PRMT8: variants seen among roughly 807,000 people sequenced by gnomAD.
PRMT8 encodes the protein protein arginine methyltransferase 8, also known as protein arginine N-methyltransferase 8.
Under a neutral mutation model 47.1 loss-of-function variants are expected in PRMT8, and 7 were observed. That is an observed-to-expected ratio of 0.15 (90% CI 0.08 to 0.28). PRMT8 has a LOEUF of 0.28. PRMT8 is among the 10% of genes least tolerant of loss of function. The pLI is 1.00. For synonymous variants in PRMT8, 188 were observed against 186.5 expected, an observed-to-expected ratio of 1.01 and a Z score of -0.07; for missense variants, 237 against 505.4, an observed-to-expected ratio of 0.47 and a Z score of 5.09.
chr12:3,521,570 G>A (rs1407303108), intron 1 of PRMT8, among the ~76,000 whole-genome samples: 6 of 151,892 alleles, frequency 4.0e-5, no homozygotes, highest in African/African-American at 9.7e-5. Flanking sequence ...GCGAAACTCC[G>A]TCTCAAAAAA....
In PRMT8 at chr12:3,553,808, A is replaced by C. The variant is rs11062719; in HGVS notation, c.481+94A>C. ...TGGCATAGCGGGAGGAGCGCAGAGC[A>C]CTTGGACTTGGGGAGGTGGTGCACC... On this transcript the variant is annotated intron_variant, in intron 4 of 9. Transcript: ENST00000382622. 2.7e-3 allele frequency: 3,201 copies of C among 1,200,684 alleles called. 68 individuals carry two copies. In the East Asian group the frequency reaches 0.051, roughly 19 times the overall value. The allele number at this position is 1,200,684 out of a possible 1,614,324, so 74.4% of individuals were successfully genotyped here.
rs531683101 is a variant in PRMT8, at chr12:3,491,832, CTGTGTGTGTGTGTGTGTGTGTGTGTG to C, written c.75+164_75+189del. ...CCCGCTCGCTTCTGCCGGCCTCCTC[CTGTGTGTGTGTGTGTGTGTGTGTGTG>C]TGTGTGTGTGTGTGTGTGTGTGTGT... On this transcript the variant is annotated intron_variant, in intron 1 of 9. Coordinates refer to ENST00000382622, the MANE Select transcript of PRMT8 (RefSeq NM_019854.5). The C allele has an allele frequency of 1.9e-5, 10 of 536,352 alleles. No homozygotes were observed. The African/African-American group carries it at 2.1e-4, about 11-fold the overall frequency. The allele number at this position is 536,352 out of a possible 1,614,324, so 33.2% of individuals were successfully genotyped here.
chr12:3,413,097 G>T (rs1864448555), intron 1 of PRMT8, among the ~76,000 whole-genome samples: 1 of 152,146 alleles, frequency 6.6e-6, no homozygotes, highest in African/African-American at 2.4e-5. Flanking sequence ...ATATACGCTT[G>T]CTTCTGGCTG....
At chr12:3,460,430 A>G (rs1865028189) in intron 1 of PRMT8, among the ~76,000 whole-genome samples, 1 of 152,228 alleles carries the variant, frequency 6.6e-6, no homozygotes, top group South Asian at 2.1e-4. Context: ...GGCAGACTGC[A>G]GTGGTTACTT....
At chr12:3,528,742 T>C (rs1044005565) in intron 1 of PRMT8, among the ~76,000 whole-genome samples, 2 of 152,222 alleles carry the variant, frequency 1.3e-5, no homozygotes, top group African/African-American at 4.8e-5. Flanking sequence ...AAATTTTACC[T>C]CATTGGGTGA....
At chr12:3,415,221 G>A (rs759642330) in intron 1 of PRMT8, among the ~76,000 whole-genome samples, 15 of 152,158 alleles carry the variant, frequency 9.9e-5, no homozygotes, top group Non-Finnish European at 1.9e-4. Flanking sequence ...CATGGGGCGA[G>A]GCATGGGGAA....
intron 1 of PRMT8, among the ~76,000 whole-genome samples, chr12:3,469,694 T>G (rs1260374386): frequency 6.6e-6 from 1 of 152,102 alleles, no homozygotes; most frequent in African/African-American, 2.4e-5. Context: ...CTTAAAAGGG[T>G]GATTTTTATG....
intron 1 of PRMT8, among the ~76,000 whole-genome samples, chr12:3,412,821 G>A (rs1049393571): frequency 7.2e-5 from 11 of 152,158 alleles, no homozygotes; most frequent in Admixed American, 3.9e-4. Flanking sequence ...TACCATATTG[G>A]CCAGGCTGGT....
At chr12:3,483,252 C>T (rs1490793684) in intron 1 of PRMT8, among the ~76,000 whole-genome samples, 2 of 152,176 alleles carry the variant, frequency 1.3e-5, no homozygotes, top group African/African-American at 4.8e-5. Flanking sequence ...CTCCCGTCTG[C>T]GAGGCCCTAG....
Position 3,538,455 on chromosome 12 carries a change from G to C in PRMT8, c.76-2151G>C, listed in dbSNP as rs1203357709. ...CACCCCATGTCGCTGAATGTTCAGGGATCACAGGCCACTGCCGTTTCCCAC... is the reference window on the plus strand; with the variant it reads ...CACCCCATGTCGCTGAATGTTCAGGCATCACAGGCCACTGCCGTTTCCCAC... On this transcript the variant is annotated intron_variant, in intron 1 of 9. Transcript: ENST00000382622. This position sits in a 1 kb window ranked among gnomAD's most constrained non-coding sequence, Gnocchi z 4.6. 5 of 356,946 alleles carry C rather than the reference G, an allele frequency of 1.4e-5. No individual in the cohort carries two copies. Among genetic ancestry groups the C allele is most frequent in the South Asian group, 2.1e-5 (1 of 47,064 alleles). The allele number at this position is 356,946 out of a possible 1,614,324, so 22.1% of individuals were successfully genotyped here.
At chr12:3,399,168 T>C (rs1864293350) in intron 1 of PRMT8, among the ~76,000 whole-genome samples, 1 of 152,186 alleles carries the variant, frequency 6.6e-6, no homozygotes, top group East Asian at 1.9e-4. Flanking sequence ...TGAGCACTGC[T>C]CACTAGTGTG....
At chr12:3,584,379 G>A (rs900682979) in intron 8 of PRMT8, among the ~76,000 whole-genome samples, 1 of 152,118 alleles carries the variant, frequency 6.6e-6, no homozygotes, top group Non-Finnish European at 1.5e-5. Context: ...TGAATTTGGA[G>A]GGGGGGACAA....
intron 1 of PRMT8, among the ~76,000 whole-genome samples, chr12:3,424,499 A>G (rs1864580884): frequency 6.6e-6 from 1 of 152,116 alleles, no homozygotes; most frequent in Non-Finnish European, 1.5e-5. Flanking sequence ...TTCCTAACTT[A>G]CTGCTATTAA....
chr12:3,479,232 T>G (rs1389456982), intron 1 of PRMT8, among the ~76,000 whole-genome samples: 1 of 152,260 alleles, frequency 6.6e-6, no homozygotes, highest in Admixed American at 6.5e-5. Flanking sequence ...CAGGACAGGT[T>G]CATGCCTCCC....
At chr12:3,515,826 G>A (rs534139297) in intron 1 of PRMT8, among the ~76,000 whole-genome samples, 1 of 152,354 alleles carries the variant, frequency 6.6e-6, no homozygotes, top group East Asian at 1.9e-4. Flanking sequence ...AGTGCTGGCA[G>A]TTCCTATTTC....
chr12:3,513,494 T>A lies in PRMT8; in HGVS notation c.75+21794T>A, dbSNP rs534812387. On this transcript the variant is annotated intron_variant, in intron 1 of 9. Transcript: ENST00000382622. Reference sequence around the variant, plus strand: ...TGAGCCTGCGTAATGACATCTTACCTGAAGACAGAGGCTGGGGCCCATGAT... The same window carrying A: ...TGAGCCTGCGTAATGACATCTTACCAGAAGACAGAGGCTGGGGCCCATGAT... Among the ~76,000 whole-genome samples, 4 of 152,358 alleles carry A rather than the reference T, an allele frequency of 2.6e-5. No individual in the cohort carries two copies. The East Asian group carries it at 7.7e-4, about 29-fold the overall frequency.
Position 3,465,166 on chromosome 12 carries a change from T to A in PRMT8, c.49-75440T>A, listed in dbSNP as rs555414082. On this transcript the variant is annotated intron_variant, in intron 1 of 9. Coordinates refer to the PRMT8 transcript ENST00000452611. ...TATATATAATTTTTTTATAAAAAAA[T>A]ATATATTTATATATATATTTTATAA... 3.7e-3 allele frequency among the ~76,000 whole-genome samples: 520 copies of A among 138,802 alleles called. 2 individuals carry two copies. The highest frequency in any genetic ancestry group is 0.016 in the East Asian group (82 of 4,990). The allele number at this position is 138,802 out of a possible 152,430, so 91.1% of individuals were successfully genotyped here.
intron 2 of PRMT8, among the ~76,000 whole-genome samples, chr12:3,543,182 C>T (rs530544440): frequency 2.5e-4 from 38 of 152,336 alleles, no homozygotes; most frequent in African/African-American, 8.9e-4. Flanking sequence ...ATCCCTCCTG[C>T]TGCTGCTATA....
intron 1 of PRMT8, among the ~76,000 whole-genome samples, chr12:3,397,368 G>T (rs1864262896): frequency 6.6e-6 from 1 of 151,782 alleles, no homozygotes; most frequent in South Asian, 2.2e-4. Flanking sequence ...TTTGATGATG[G>T]TGATGTACTG....
Sources: gnomAD v4.1 joint callset for allele counts (sites outside exome capture counted in the v4.1 genomes callset) on GRCh38, gnomAD v4.1.1 for gene constraint, Gnocchi (gnomAD v3.1) non-coding constraint, MANE v1.5 for transcripts, NCBI Gene and HGNC (gene_info 2026-07-23, HGNC 2026-07-21) for gene names.